Variants in EPHB1 observed in about 807,000 individuals in gnomAD.
EPHB1 encodes the protein EPH receptor B1.
EPHB1 carries 30 observed loss-of-function variants against 94.4 expected under a neutral mutation model. The ratio of observed to expected loss-of-function variants is 0.32; its 90% CI spans 0.24 to 0.43. The LOEUF (loss-of-function observed/expected upper bound fraction) is 0.43, where lower values mean the gene tolerates loss of function less well. Among genes scored for constraint, EPHB1 ranks in the 20% least tolerant of loss-of-function variants. The pLI is 1.00. For synonymous variants in EPHB1, 522 were observed against 489.1 expected (o/e 1.07, Z -0.89); for missense variants, 1,055 against 1,308.3 (o/e 0.81, Z 2.99).
chr3:134,941,311 G>C (rs1169095770), intron 2 of EPHB1, among the ~76,000 whole-genome samples: 1 of 149,040 alleles, frequency 6.7e-6, no homozygotes, highest in Non-Finnish European at 1.5e-5. Flanking sequence ...TTCTTAGTTT[G>C]CTCAACCATC....
chr3:135,247,629 C>A (rs1352489090), intron 13 of EPHB1, among the ~76,000 whole-genome samples: 1 of 152,160 alleles, frequency 6.6e-6, no homozygotes, highest in Non-Finnish European at 1.5e-5. Flanking sequence ...TACTCTCTGG[C>A]GTTTGTGAAA....
intron 3 of EPHB1, among the ~76,000 whole-genome samples, chr3:134,965,211 C>T (rs1933685347): frequency 6.6e-6 from 1 of 152,182 alleles, no homozygotes; most frequent in Non-Finnish European, 1.5e-5. Context: ...TTATTTCAAG[C>T]CTCCCTTTTC....
chr3:135,013,509 C>G (rs1340452996), intron 3 of EPHB1, among the ~76,000 whole-genome samples: 2 of 152,188 alleles, frequency 1.3e-5, no homozygotes, highest in African/African-American at 4.8e-5. Context: ...GTGATTTAGA[C>G]AGACAATCTT....
At chr3:135,094,943 C>G (rs1008092636) in intron 3 of EPHB1, among the ~76,000 whole-genome samples, 1 of 152,206 alleles carries the variant, frequency 6.6e-6, no homozygotes, top group Non-Finnish European at 1.5e-5. Flanking sequence ...ATTGGTTTCT[C>G]TCCCACATAG....
intron 12 of EPHB1, among the ~76,000 whole-genome samples, chr3:135,230,461 C>G (rs1483539311): frequency 6.6e-6 from 1 of 152,160 alleles, no homozygotes; most frequent in African/African-American, 2.4e-5. Context: ...GCTCTTTCTC[C>G]AGAGCACTCA....
intron 1 of EPHB1, among the ~76,000 whole-genome samples, chr3:134,848,528 G>A (rs899906133): frequency 6.6e-6 from 1 of 152,136 alleles, no homozygotes; most frequent in Admixed American, 6.5e-5. Context: ...TGGAGCTTTC[G>A]TCTTTATTAA....
chr3:134,823,398 T>C (rs912920774), intron 1 of EPHB1, among the ~76,000 whole-genome samples: 8 of 152,178 alleles, frequency 5.3e-5, no homozygotes, highest in Non-Finnish European at 1.0e-4. Flanking sequence ...CATACCCTAA[T>C]GTCTGCCAGG....
At chr3:134,846,057 AGCCTGTGCTTGGGAGTT>A (rs2036866242) in intron 1 of EPHB1, among the ~76,000 whole-genome samples, 1 of 152,146 alleles carries the variant, frequency 6.6e-6, no homozygotes, top group Non-Finnish European at 1.5e-5. Context: ...TGGGGCTGCC[AGCCTGTGCTTGGGAGTT>A]GCATCTCCTC....
At chr3:135,000,627 G>A (rs777343788) in intron 3 of EPHB1, among the ~76,000 whole-genome samples, 11 of 152,136 alleles carry the variant, frequency 7.2e-5, no homozygotes, top group Non-Finnish European at 1.5e-4. Context: ...TACTTGAACC[G>A]TGTCCTGGGG....
intron 4 of EPHB1, among the ~76,000 whole-genome samples, chr3:135,116,548 C>T (rs1939722704): frequency 1.3e-5 from 2 of 152,202 alleles, no homozygotes. Flanking sequence ...GACCTCTTGC[C>T]AGTGCCTCGT....
At chr3:134,952,391 T>TCACACA (rs34221950) in intron 3 of EPHB1, among the ~76,000 whole-genome samples, 2 of 147,852 alleles carry the variant, frequency 1.4e-5, no homozygotes, top group South Asian at 2.1e-4. Flanking sequence ...ACACACACAC[T>TCACACA]CACACACACA....
At chr3:135,165,204 T>C (rs1941617752) in intron 7 of EPHB1, among the ~76,000 whole-genome samples, 1 of 152,238 alleles carries the variant, frequency 6.6e-6, no homozygotes, top group Admixed American at 6.5e-5. Flanking sequence ...AGGACACCTA[T>C]GATAGAGCAG....
rs949269228 is a variant in EPHB1 at position 134,954,970 on chromosome 3, G to A, written c.805+2918G>A. ...GAAGAGAACAGGTGAGAGGGGAGTA[G>A]AGGAAGCTATGGGGAGAACTTGCGC... On this transcript the variant is annotated intron_variant, in intron 3 of 15. Transcript: ENST00000398015. Among the ~76,000 whole-genome samples, 4 of 151,106 alleles carry A rather than the reference G, an allele frequency of 2.6e-5. No individual in the cohort carries two copies. In the East Asian group the frequency reaches 8.1e-4, roughly 31 times the overall value.
chr3:134,856,320 A>G (rs2037115875), intron 1 of EPHB1, among the ~76,000 whole-genome samples: 1 of 152,126 alleles, frequency 6.6e-6, no homozygotes, highest in Admixed American at 6.5e-5. Context: ...CCAATGAACT[A>G]GGCAACCCAG....
intron 3 of EPHB1, among the ~76,000 whole-genome samples, chr3:135,011,713 T>C (rs556685673): frequency 2.6e-4 from 39 of 152,310 alleles, no homozygotes; most frequent in African/African-American, 9.4e-4. Flanking sequence ...GGCTGTCTTA[T>C]TACTGCAGGG....
intron 1 of EPHB1, among the ~76,000 whole-genome samples, chr3:134,857,815 T>G (rs1187853112): frequency 6.6e-6 from 1 of 152,198 alleles, no homozygotes; most frequent in Non-Finnish European, 1.5e-5. Context: ...TGAAACTCCA[T>G]GCAGGTGGTC....
At chr3:135,137,867 G>A (rs1419600694) in intron 5 of EPHB1, among the ~76,000 whole-genome samples, 1 of 152,130 alleles carries the variant, frequency 6.6e-6, no homozygotes, top group East Asian at 1.9e-4. Flanking sequence ...TGGGACTGAT[G>A]TTATCTGTAT....
intron 13 of EPHB1, among the ~76,000 whole-genome samples, chr3:135,243,897 T>C (rs1943854533): frequency 6.6e-6 from 1 of 152,180 alleles, no homozygotes; most frequent in Non-Finnish European, 1.5e-5. Flanking sequence ...TGCAGTCTTA[T>C]TGAAACATCA....
At chr3:135,000,197 G>T (rs1469706390) in intron 3 of EPHB1, among the ~76,000 whole-genome samples, 1 of 152,232 alleles carries the variant, frequency 6.6e-6, no homozygotes, top group Non-Finnish European at 1.5e-5. Context: ...GCTTTGAAAT[G>T]GAAAGATAGC....
Sources: gnomAD v4.1 joint callset for allele counts (sites outside exome capture counted in the v4.1 genomes callset) on GRCh38, gnomAD v4.1.1 for gene constraint, MANE v1.5 for transcripts, NCBI Gene and HGNC (gene_info 2026-07-23, HGNC 2026-07-21) for gene names.